KLF8: variants seen among roughly 807,000 people sequenced by gnomAD.
KLF8 encodes KLF transcription factor 8, also known as Krueppel-like factor 8.
In KLF8, 10 loss-of-function variants were observed where a neutral mutation model predicts 18.2. The observed-to-expected ratio is 0.55, with a 90% CI of 0.34 to 0.93. The LOEUF (loss-of-function observed/expected upper bound fraction) is 0.93. Among genes scored for constraint, KLF8 ranks in the 40% least tolerant of loss-of-function variants. KLF8 has a pLI of 0.02. For missense variants in KLF8, 264 were observed against 277.9 expected (o/e 0.95, Z 0.36); for synonymous variants, 109 against 97.3 (o/e 1.12, Z -0.71).
At chrX:56,103,608 T>G in the KLF8 span, among the ~76,000 whole-genome samples, 4 of 111,807 alleles carry the variant, frequency 3.6e-5, no homozygotes, top group Non-Finnish European at 7.5e-5. Flanking sequence ...AAGGAGATTT[T>G]GGGCTGAGAC....
chrX:56,055,200 G>A, the KLF8 span, among the ~76,000 whole-genome samples: 12 of 111,903 alleles, frequency 1.1e-4, no homozygotes, highest in Admixed American at 1.9e-4. Context: ...GTATGTTTTC[G>A]TAGTGGCTGG....
chrX:56,213,570 G>A, the KLF8 span, among the ~76,000 whole-genome samples: 7 of 109,251 alleles, frequency 6.4e-5, no homozygotes, highest in South Asian at 4.0e-4. Context: ...TAATCCACCC[G>A]CCTTGGCCTC....
chrX:56,148,177 T>C, the KLF8 span, among the ~76,000 whole-genome samples: 1 of 112,067 alleles, frequency 8.9e-6, no homozygotes, highest in Non-Finnish European at 1.9e-5. Context: ...AATGCACTTT[T>C]GGTATTAATT....
At chrX:56,150,146 A>C in the KLF8 span, among the ~76,000 whole-genome samples, 1 of 111,574 alleles carries the variant, frequency 9.0e-6, no homozygotes, top group East Asian at 2.8e-4. Flanking sequence ...GGCCATGTAC[A>C]AAATGTCTTC....
the KLF8 span, chrX:55,962,422 AG>A: frequency 4.2e-6 from 1 of 240,333 alleles, no homozygotes. Context: ...TCTCTGTGGC[AG>A]GGGTCACCTT....
chrX:55,962,494 CA>C, the KLF8 span: 1 of 197,307 alleles, frequency 5.1e-6, no homozygotes. Flanking sequence ...ATCACTGGTG[CA>C]AGGAAACAGA....
At chrX:56,279,508 C>T (rs2067169118) in intron 5 of KLF8, among the ~76,000 whole-genome samples, 1 of 111,838 alleles carries the variant, frequency 8.9e-6, no homozygotes, top group African/African-American at 3.3e-5. Context: ...GAGTACAAAA[C>T]TAGTGAGATG....
At chrX:56,046,594 A>G in the KLF8 span, among the ~76,000 whole-genome samples, 1 of 69,866 alleles carries the variant, frequency 1.4e-5, no homozygotes, top group Non-Finnish European at 3.2e-5. Flanking sequence ...TTCTCTCAGC[A>G]TTTGTTTTTC....
At chrX:55,950,726 C>G in the KLF8 span, among the ~76,000 whole-genome samples, 1 of 111,736 alleles carries the variant, frequency 8.9e-6, no homozygotes, top group East Asian at 2.8e-4. Context: ...TTGAACCTCT[C>G]TTATGGCACT....
chrX:55,988,834 G>A, the KLF8 span, among the ~76,000 whole-genome samples: 2 of 111,703 alleles, frequency 1.8e-5, no homozygotes, highest in African/African-American at 3.3e-5. Context: ...CTACGCATGA[G>A]CATGGAACGT....
the KLF8 span, among the ~76,000 whole-genome samples, chrX:55,916,955 A>G: frequency 6.3e-5 from 7 of 111,973 alleles, no homozygotes; most frequent in African/African-American, 1.9e-4. Context: ...AGAGATTGCT[A>G]ACCTTAGACA....
chrX:56,074,728 T>G, the KLF8 span: 1 of 162,110 alleles, frequency 6.2e-6, no homozygotes, highest in African/African-American at 3.2e-5. Flanking sequence ...ATATGAATCT[T>G]CCAACTTTGT....
chrX:56,059,961 G>A, the KLF8 span, among the ~76,000 whole-genome samples: 1 of 111,798 alleles, frequency 8.9e-6, no homozygotes, highest in African/African-American at 3.2e-5. Context: ...CCATTTTCAT[G>A]ACATTGATTA....
chrX:55,959,119 C>T, the KLF8 span, among the ~76,000 whole-genome samples: 1 of 112,174 alleles, frequency 8.9e-6, no homozygotes, highest in Admixed American at 9.4e-5. Context: ...GGTCCCAGTC[C>T]CTCAGGGTAA....
the KLF8 span, among the ~76,000 whole-genome samples, chrX:56,050,221 C>G: frequency 9.0e-6 from 1 of 111,191 alleles, no homozygotes; most frequent in Non-Finnish European, 1.9e-5. Context: ...AAAACCAGCT[C>G]CTGGATTCAT....
At chrX:55,957,104 C>T in the KLF8 span, among the ~76,000 whole-genome samples, 2 of 111,199 alleles carry the variant, frequency 1.8e-5, no homozygotes, top group African/African-American at 6.5e-5. Context: ...TATTCTTCTT[C>T]ATGTGGTTAT....
chrX:56,040,916 CTATT>C, the KLF8 span, among the ~76,000 whole-genome samples: 1 of 69,780 alleles, frequency 1.4e-5, no homozygotes, highest in African/African-American at 5.7e-5. Context: ...GGTTTGTAGG[CTATT>C]TATTATTGCC....
the KLF8 span, among the ~76,000 whole-genome samples, chrX:55,946,273 G>T: frequency 9.9e-5 from 11 of 111,587 alleles, no homozygotes; most frequent in Admixed American, 4.8e-4. Flanking sequence ...GCATGGTACT[G>T]GTACCAAAAC....
the KLF8 span, among the ~76,000 whole-genome samples, chrX:56,048,034 T>C: frequency 2.7e-5 from 3 of 112,411 alleles, no homozygotes; most frequent in African/African-American, 9.7e-5. Flanking sequence ...TAAGCATTTT[T>C]TCATGTGTTT....
Sources: allele counts gnomAD v4.1 joint callset (sites outside exome capture counted in the v4.1 genomes callset), GRCh38; gene constraint gnomAD v4.1.1; transcripts MANE v1.5; gene names NCBI Gene and HGNC (gene_info 2026-07-23, HGNC 2026-07-21).